FHIT: variants seen among roughly 807,000 people sequenced by gnomAD.
FHIT encodes the protein bis(5'-adenosyl)-triphosphatase.
A neutral mutation model predicts 17.9 loss-of-function variants in FHIT; 19 were observed. The observed-to-expected ratio is 1.06, with a 90% CI of 0.74 to 1.56. The LOEUF (loss-of-function observed/expected upper bound fraction) is 1.56. Among genes scored for constraint, FHIT ranks in the 40% most tolerant of loss-of-function variants. FHIT has a pLI of 0.00. For missense variants in FHIT, 248 were observed against 189.2 expected, an observed-to-expected ratio of 1.31 and a Z score of -1.82; for synonymous variants, 81 against 69.7, an observed-to-expected ratio of 1.16 and a Z score of -0.81.
chr3:60,564,799 T>A (rs1202104537), intron 4 of FHIT, among the ~76,000 whole-genome samples: 3 of 152,182 alleles, frequency 2.0e-5, no homozygotes, highest in Non-Finnish European at 2.9e-5. Flanking sequence ...GTGAAGATGA[T>A]GTGAACATTG....
At chr3:59,848,481 T>A (rs541399695) in intron 8 of FHIT, among the ~76,000 whole-genome samples, 1 of 152,326 alleles carries the variant, frequency 6.6e-6, no homozygotes, top group African/African-American at 2.4e-5. Flanking sequence ...TGGGGATTTT[T>A]GAGCAATTTC....
At chr3:59,829,700 T>C (rs539532029) in intron 8 of FHIT, among the ~76,000 whole-genome samples, 3 of 152,330 alleles carry the variant, frequency 2.0e-5, no homozygotes, top group Non-Finnish European at 4.4e-5. Flanking sequence ...ATGAAAATGC[T>C]ACCTTAAAGG....
intron 8 of FHIT, among the ~76,000 whole-genome samples, chr3:59,791,461 T>A (rs1006691501): frequency 1.1e-4 from 16 of 152,136 alleles, no homozygotes; most frequent in Admixed American, 3.3e-4. Context: ...CCTAATGACA[T>A]TGCTTGTGCC....
intron 5 of FHIT, among the ~76,000 whole-genome samples, chr3:60,525,790 T>C (rs2035550501): frequency 6.6e-6 from 1 of 152,152 alleles, no homozygotes; most frequent in Non-Finnish European, 1.5e-5. Context: ...CAGAGTGGTC[T>C]TAGGTATCAG....
intron 5 of FHIT, among the ~76,000 whole-genome samples, chr3:60,363,141 G>C (rs952934577): frequency 3.9e-5 from 6 of 152,064 alleles, no homozygotes; most frequent in Non-Finnish European, 7.4e-5. Context: ...ATAAAAAGAG[G>C]TGCAGAAAAC....
intron 5 of FHIT, among the ~76,000 whole-genome samples, chr3:60,453,576 C>A (rs917513565): frequency 6.6e-6 from 1 of 152,154 alleles, no homozygotes. Context: ...TGGGTCATGT[C>A]TATGCCTTCA....
chr3:60,334,677 C>A (rs1710149721), intron 5 of FHIT, among the ~76,000 whole-genome samples: 2 of 152,188 alleles, frequency 1.3e-5, no homozygotes, highest in African/African-American at 4.8e-5. Context: ...ATCCCAGCTA[C>A]ATGGGAGGCT....
At chr3:60,607,687 T>A (rs1244990742) in intron 4 of FHIT, among the ~76,000 whole-genome samples, 1 of 152,132 alleles carries the variant, frequency 6.6e-6, no homozygotes, top group African/African-American at 2.4e-5. Context: ...AATTATTCCC[T>A]CTTCTCTGAC....
intron 4 of FHIT, among the ~76,000 whole-genome samples, chr3:60,682,899 C>A (rs2040784381): frequency 1.3e-5 from 2 of 152,132 alleles, no homozygotes; most frequent in African/African-American, 4.8e-5. Flanking sequence ...TATGGGAGGA[C>A]AACAAAATAT....
chr3:60,802,772 A>T (rs1247359223), intron 4 of FHIT, among the ~76,000 whole-genome samples: 2 of 19,392 alleles, frequency 1.0e-4, no homozygotes, highest in African/African-American at 6.8e-5. Flanking sequence ...AAACAGGCTT[A>T]AAAAAAAAAT....
chr3:60,957,272 T>C (rs1709213587), intron 3 of FHIT, among the ~76,000 whole-genome samples: 1 of 149,300 alleles, frequency 6.7e-6, no homozygotes. Context: ...GAATCTCACT[T>C]TGTTGCTCAG....
At chr3:59,868,467 T>C (rs1056031774) in intron 8 of FHIT, among the ~76,000 whole-genome samples, 4 of 152,206 alleles carry the variant, frequency 2.6e-5, no homozygotes, top group African/African-American at 7.2e-5. Context: ...TCCCTTGATA[T>C]AAAAAGCAAA....
intron 5 of FHIT, among the ~76,000 whole-genome samples, chr3:60,197,685 T>C (rs1221134441): frequency 6.6e-6 from 1 of 152,196 alleles, no homozygotes. Flanking sequence ...TTCAATGTAG[T>C]GGTAGAGGGG....
At chr3:60,576,772 AAAGT>A (rs1197591099) in intron 4 of FHIT, among the ~76,000 whole-genome samples, 4 of 152,144 alleles carry the variant, frequency 2.6e-5, no homozygotes, top group Non-Finnish European at 4.4e-5. Flanking sequence ...TTAAAATAGA[AAAGT>A]AATGGGAAAA....
intron 8 of FHIT, among the ~76,000 whole-genome samples, chr3:59,886,690 G>C (rs551402920): frequency 6.6e-6 from 1 of 152,062 alleles, no homozygotes; most frequent in African/African-American, 2.4e-5. Context: ...TATTCATGAT[G>C]GATCTACCCT....
chr3:60,382,250 G>C (rs995792231), intron 5 of FHIT, among the ~76,000 whole-genome samples: 1 of 152,160 alleles, frequency 6.6e-6, no homozygotes, highest in Non-Finnish European at 1.5e-5. Context: ...TTGCGGAGTG[G>C]TGCCCACATA....
At position 60,789,347 on chromosome 3, in the gene FHIT, T is replaced by C. The variant is rs71313794; in HGVS notation, c.-18+32572A>G. On this transcript the variant is annotated intron_variant, in intron 4 of 9. Coordinates refer to ENST00000492590, the MANE Select transcript of FHIT (RefSeq NM_002012.4). ...TCCTGGGCAACATGATGAAACCCTA[T>C]CTCTACTGAAAATACAAAAAATTAG... Among the ~76,000 whole-genome samples, 694 of 152,010 alleles carry C rather than the reference T, an allele frequency of 4.6e-3. 2 individuals carry two copies. The highest frequency in any genetic ancestry group is 7.6e-3 in the Non-Finnish European group (516 of 67,970).
chr3:61,011,661 T>C (rs1017598586), intron 3 of FHIT, among the ~76,000 whole-genome samples: 22 of 152,192 alleles, frequency 1.4e-4, no homozygotes, highest in African/African-American at 5.1e-4. Flanking sequence ...TGAAAATGTA[T>C]CTGCAGTAAG....
intron 3 of FHIT, among the ~76,000 whole-genome samples, chr3:60,867,652 G>A (rs1171940660): frequency 2.6e-5 from 4 of 152,046 alleles, no homozygotes; most frequent in African/African-American, 9.7e-5. Flanking sequence ...CTACTTAGTG[G>A]GGCACGAGAA....
Sources: gnomAD v4.1 joint callset for allele counts (sites outside exome capture counted in the v4.1 genomes callset) on GRCh38, gnomAD v4.1.1 for gene constraint, MANE v1.5 for transcripts, NCBI Gene and HGNC (gene_info 2026-07-23, HGNC 2026-07-21) for gene names.